FILIP1: variants seen among roughly 807,000 people sequenced by gnomAD.
FILIP1 encodes the protein filamin A interacting protein 1.
In FILIP1, 61 loss-of-function variants were observed where a neutral mutation model predicts 102.1. The ratio of observed to expected loss-of-function variants is 0.60; its 90% CI spans 0.49 to 0.74. The LOEUF is 0.74. Ranked by LOEUF, FILIP1 falls within the 30% of genes least tolerant of loss-of-function variation. The pLI is 0.00. For synonymous variants in FILIP1, 491 were observed against 526.9 expected, an observed-to-expected ratio of 0.93 and a Z score of 0.93; for missense variants, 1,314 against 1,441.2, an observed-to-expected ratio of 0.91 and a Z score of 1.43.
In FILIP1 at chr6:75,424,884, G is replaced by A. The variant is rs973066238; in HGVS notation, c.-6-9906C>T. ...GCTTATGACTTCATGTGTTCTAATC[G>A]CCTGTACACACGTCAACTATATTCA... On this transcript the variant is annotated intron_variant, in intron 1 of 5. Transcript: ENST00000237172. Among the ~76,000 whole-genome samples the A allele has an allele frequency of 7.9e-5, 12 of 152,012 alleles. No homozygotes were observed. In the South Asian group the frequency reaches 1.0e-3, roughly 13 times the overall value.
At chr6:75,439,453 A>T (rs187306059) in intron 1 of FILIP1, among the ~76,000 whole-genome samples, 24 of 152,348 alleles carry the variant, frequency 1.6e-4, no homozygotes, top group Admixed American at 1.6e-3. Context: ...TTGAGAATAG[A>T]ACAAAAGTTA....
intron 2 of FILIP1, among the ~76,000 whole-genome samples, chr6:75,382,422 G>T (rs975178633): frequency 1.3e-5 from 2 of 152,146 alleles, no homozygotes; most frequent in Non-Finnish European, 2.9e-5. Context: ...TTCTATGGAT[G>T]ATGTCACTTT....
intron 1 of FILIP1, among the ~76,000 whole-genome samples, chr6:75,474,441 G>A (rs1779416089): frequency 6.6e-6 from 1 of 152,200 alleles, no homozygotes. Flanking sequence ...CCAGAGGACT[G>A]GAAGTGAAGG....
At chr6:75,410,940 A>G (rs1345063130) in intron 2 of FILIP1, among the ~76,000 whole-genome samples, 1 of 152,186 alleles carries the variant, frequency 6.6e-6, no homozygotes, top group East Asian at 1.9e-4. Context: ...ATACCCAGTA[A>G]TGGGATTGCT....
intron 1 of FILIP1, among the ~76,000 whole-genome samples, chr6:75,460,736 T>G (rs1778997516): frequency 6.6e-6 from 1 of 152,190 alleles, no homozygotes; most frequent in African/African-American, 2.4e-5. Flanking sequence ...TTTTTGTGCA[T>G]CTCATCTCAG....
At chr6:75,417,510 G>A (rs1356239599) in intron 1 of FILIP1, among the ~76,000 whole-genome samples, 4 of 152,082 alleles carry the variant, frequency 2.6e-5, no homozygotes, top group African/African-American at 7.2e-5. Flanking sequence ...TATTTTGGAG[G>A]GGGAAAACAT....
chr6:75,462,415 C>G (rs1779050385), intron 1 of FILIP1, among the ~76,000 whole-genome samples: 1 of 151,940 alleles, frequency 6.6e-6, no homozygotes, highest in East Asian at 1.9e-4. Context: ...GGGTCACTGG[C>G]TAAACAGAAG....
intron 1 of FILIP1, among the ~76,000 whole-genome samples, chr6:75,418,990 C>T (rs1411937925): frequency 6.6e-6 from 1 of 151,438 alleles, no homozygotes; most frequent in African/African-American, 2.4e-5. Context: ...CATCTGCGTC[C>T]CCCCCACCCC....
chr6:75,373,660 A>G (rs963619439), intron 2 of FILIP1, among the ~76,000 whole-genome samples: 4 of 151,766 alleles, frequency 2.6e-5, no homozygotes, highest in African/African-American at 9.7e-5. Flanking sequence ...TCAACTAAGA[A>G]AAGAAAATTA....
chr6:75,468,712 A>G (rs956372510), intron 1 of FILIP1, among the ~76,000 whole-genome samples: 15 of 152,184 alleles, frequency 9.9e-5, no homozygotes, highest in Non-Finnish European at 1.5e-5. Flanking sequence ...TAACATATAC[A>G]TTAGTTTAGT....
chr6:75,374,769 T>G (rs1775699982), intron 2 of FILIP1, among the ~76,000 whole-genome samples: 1 of 152,186 alleles, frequency 6.6e-6, no homozygotes, highest in Non-Finnish European at 1.5e-5. Flanking sequence ...TTTATCCAGC[T>G]TAGTAAATGT....
At chr6:75,317,935 ACTT>A (rs1405359680) in intron 4 of FILIP1, among the ~76,000 whole-genome samples, 1 of 152,206 alleles carries the variant, frequency 6.6e-6, no homozygotes, top group Non-Finnish European at 1.5e-5. Context: ...CTGCAATCAA[ACTT>A]CTTACAGGCA....
At chr6:75,445,064 G>A (rs1164932402) in intron 1 of FILIP1, among the ~76,000 whole-genome samples, 1 of 152,092 alleles carries the variant, frequency 6.6e-6, no homozygotes, top group Non-Finnish European at 1.5e-5. Flanking sequence ...AGCTGTAGTA[G>A]GCTACGCATT....
chr6:75,400,560 A>G (rs1334900788), intron 2 of FILIP1, among the ~76,000 whole-genome samples: 2 of 152,140 alleles, frequency 1.3e-5, no homozygotes, highest in Non-Finnish European at 2.9e-5. Flanking sequence ...GAAAAAGGTG[A>G]CCCAAATATT....
chr6:75,308,066 ATAAG>A (rs1241889606), downstream of FILIP1: 1 of 985,806 alleles, frequency 1.0e-6, no homozygotes, highest in East Asian at 1.1e-4. Context: ...ACACACACAA[ATAAG>A]TAAAACTCTG....
At chr6:75,454,645 G>A (rs1275184824) in intron 1 of FILIP1, among the ~76,000 whole-genome samples, 2 of 152,170 alleles carry the variant, frequency 1.3e-5, no homozygotes, top group Non-Finnish European at 1.5e-5. Flanking sequence ...ATTAGAGTCC[G>A]TGAAGTCCCA....
intron 1 of FILIP1, chr6:75,458,783 T>C (rs1168278067): frequency 6.6e-6 from 1 of 152,200 alleles, no homozygotes; most frequent in Non-Finnish European, 1.5e-5. Context: ...CTCCTACTTT[T>C]TCTTGGAGCT....
intron 1 of FILIP1, among the ~76,000 whole-genome samples, chr6:75,418,910 A>AGTG (rs1419470903): frequency 6.6e-6 from 1 of 152,118 alleles, no homozygotes; most frequent in Non-Finnish European, 1.5e-5. Flanking sequence ...TGCTAACTAG[A>AGTG]GTGTGAAGAA....
intron 1 of FILIP1, among the ~76,000 whole-genome samples, chr6:75,468,168 G>C (rs1779224827): frequency 6.6e-6 from 1 of 152,174 alleles, no homozygotes; most frequent in African/African-American, 2.4e-5. Flanking sequence ...TGAAATACAA[G>C]TTCCAGCAGC....
Sources: allele counts gnomAD v4.1 joint callset (sites outside exome capture counted in the v4.1 genomes callset), GRCh38; gene constraint gnomAD v4.1.1; transcripts MANE v1.5; gene names NCBI Gene and HGNC (gene_info 2026-07-23, HGNC 2026-07-21).